Variants in MARK3 observed in about 807,000 individuals in gnomAD.
MARK3 encodes MAP/microtubule affinity-regulating kinase 3.
A neutral mutation model predicts 90.1 loss-of-function variants in MARK3; 46 were observed. That is an observed-to-expected ratio of 0.51 (90% confidence interval 0.40 to 0.65). The LOEUF (loss-of-function observed/expected upper bound fraction) is 0.65, where lower values mean the gene tolerates loss of function less well. Among genes scored for constraint, MARK3 ranks in the 30% least tolerant of loss-of-function variants. MARK3 has a pLI of 0.00. For missense variants in MARK3, 818 were observed against 947.2 expected (o/e 0.86, Z 1.79); for synonymous variants, 321 against 332.6 (o/e 0.97, Z 0.38).
intron 7 of MARK3, among the ~76,000 whole-genome samples, chr14:103,463,788 C>T (rs887148625): frequency 2.0e-5 from 3 of 152,178 alleles, no homozygotes; most frequent in African/African-American, 7.2e-5. Flanking sequence ...ATGGTCATTT[C>T]TCTGCTTGAA....
At chr14:103,387,653 C>G (rs1041755957) in intron 1 of MARK3, among the ~76,000 whole-genome samples, 4 of 151,852 alleles carry the variant, frequency 2.6e-5, no homozygotes. Context: ...CCACCACGCC[C>G]GGCTAATTTT....
At chr14:103,481,640 CGTGTGTGTGTGT>C (rs3071411) in intron 14 of MARK3, among the ~76,000 whole-genome samples, 8 of 150,440 alleles carry the variant, frequency 5.3e-5, no homozygotes, top group South Asian at 2.1e-4. Context: ...TTTTATGACT[CGTGTGTGTGTGT>C]GTGTGTGTTT....
intron 2 of MARK3, among the ~76,000 whole-genome samples, chr14:103,422,470 A>G: frequency 6.6e-6 from 1 of 152,214 alleles, no homozygotes; most frequent in East Asian, 1.9e-4. Context: ...CAAAACAAAA[A>G]GAAACGTAAC....
At chr14:103,463,716 T>A (rs988235585) in intron 7 of MARK3, among the ~76,000 whole-genome samples, 6 of 152,188 alleles carry the variant, frequency 3.9e-5, no homozygotes, top group Non-Finnish European at 8.8e-5. Context: ...CTAGTGCCTC[T>A]TCCTCCCATG....
chr14:103,484,458 C>T (rs2093886372), intron 14 of MARK3, among the ~76,000 whole-genome samples: 1 of 152,132 alleles, frequency 6.6e-6, no homozygotes, highest in African/African-American at 2.4e-5. Flanking sequence ...CAGGCATGAG[C>T]CACTGCACCA....
chr14:103,432,264 A>G (rs1195720895), intron 3 of MARK3, among the ~76,000 whole-genome samples: 1 of 152,216 alleles, frequency 6.6e-6, no homozygotes, highest in Non-Finnish European at 1.5e-5. Context: ...CAGAAAGGGA[A>G]ATCCCTGTGT....
At chr14:103,479,045 C>A (rs552566012) in intron 13 of MARK3, among the ~76,000 whole-genome samples, 2 of 152,214 alleles carry the variant, frequency 1.3e-5, no homozygotes, top group South Asian at 2.1e-4. Flanking sequence ...GGGGAGGAGA[C>A]GGTCTCACTC....
intron 5 of MARK3, among the ~76,000 whole-genome samples, chr14:103,455,494 A>C (rs568186895): frequency 9.8e-5 from 15 of 152,304 alleles, no homozygotes; most frequent in Admixed American, 5.9e-4. Context: ...TGGGAGGCCA[A>C]GACGGGCAGA....
At chr14:103,386,439 C>T (rs117480377) in intron 1 of MARK3, 8,686 of 571,904 alleles carry the variant, frequency 0.015, 123 homozygotes, top group Non-Finnish European at 0.022. Context: ...CCGAACTCTG[C>T]TTTTAACTTG....
chr14:103,439,983 C>T (rs2092810847), intron 3 of MARK3, among the ~76,000 whole-genome samples: 1 of 151,974 alleles, frequency 6.6e-6, no homozygotes, highest in Admixed American at 6.6e-5. Flanking sequence ...CGGGTTTTCA[C>T]CACGTTGGCC....
At chr14:103,475,300 C>T (rs2093695514) in intron 13 of MARK3, 90 bp downstream of exon 13, 2 of 1,064,236 alleles carry the variant, frequency 1.9e-6, no homozygotes, top group Non-Finnish European at 2.8e-6. Flanking sequence ...TGTGGTCTCT[C>T]GTACTGGAAT....
chr14:103,430,974 A>G (rs939091897), intron 3 of MARK3, among the ~76,000 whole-genome samples: 2 of 152,196 alleles, frequency 1.3e-5, no homozygotes, highest in Non-Finnish European at 1.5e-5. Context: ...AGCTGGGACT[A>G]CAAATGCACA....
At chr14:103,416,894 G>GT (rs1400169138) in intron 2 of MARK3, among the ~76,000 whole-genome samples, 4 of 152,190 alleles carry the variant, frequency 2.6e-5, no homozygotes, top group East Asian at 3.9e-4. Flanking sequence ...AGTGCAAACT[G>GT]TTTTTTCAGT....
chr14:103,498,602 G>C, intron 16 of MARK3, 74 bp downstream of exon 16: 2 of 1,272,426 alleles, frequency 1.6e-6, no homozygotes, highest in Non-Finnish European at 1.0e-6. Context: ...ATTAGGTTTG[G>C]CTTTCTGGCC....
Position 103,465,636 on chromosome 14 carries a change from G to T in MARK3, c.620G>T (p.Gly207Val), listed in dbSNP as rs1027620078. Reference protein sequence around the residue: ...FGFSNEFTVGGKLDTFCGSPP... With the variant: ...FGFSNEFTVGVKLDTFCGSPP... Reference sequence around the variant, plus strand: ...TTTAGCAATGAATTTACTGTTGGCGGTAAACTCGACACGTTTTGTGGCAGT... The same window carrying T: ...TTTAGCAATGAATTTACTGTTGGCGTTAAACTCGACACGTTTTGTGGCAGT... The change falls in exon 8 of 18, where the codon GGT becomes GTT. Residue 207 changes from glycine to valine, a missense_variant. Around this residue, in one of 3 missense-constraint regions of MARK3, gnomAD observed 101 missense variants for 175.1 expected, o/e 0.58. Transcript: ENST00000429436. 1.9e-6 allele frequency: 3 copies of T among 1,614,008 alleles called. No individual in the cohort carries two copies. In the African/African-American group the frequency reaches 4.0e-5, roughly 22 times the overall value.
chr14:103,498,526 A>G lies in MARK3; in HGVS notation c.1869A>G (p.Lys623=). Residue 623 remains lysine, a splice_region_variant and synonymous_variant, in exon 16 of 18, where the codon AAA becomes AAG. Transcript: ENST00000429436. The part of the protein sequence containing the change: ...TRRNMSFRFI[K]RLPTEYERNG... ...GAAACATGTCATTCAGGTTTATCAA[A>G]AGGTAGGATTTATATATACACATTT... is the stretch of plus-strand genomic sequence containing the variant. 1.5e-6 allele frequency: 2 copies of G among 1,371,306 alleles called. No homozygotes were observed. The highest frequency in any genetic ancestry group is 3.1e-5 in the East Asian group (1 of 31,982). 84.9% of individuals were successfully genotyped at this position (1,371,306 alleles called of 1,614,324 possible). A position where few individuals can be genotyped will look rare whatever the true frequency, so the allele number is the denominator to read the frequency against.
chr14:103,485,879 A>G (rs1158756847), intron 14 of MARK3, among the ~76,000 whole-genome samples: 1 of 152,132 alleles, frequency 6.6e-6, no homozygotes, highest in African/African-American at 2.4e-5. Context: ...CTATAAAAAT[A>G]TATATATTTT....
chr14:103,485,063 CAA>C lies in MARK3; in HGVS notation c.1586+4589_1586+4590del, dbSNP rs34312214. Among the ~76,000 whole-genome samples the C allele has an allele frequency of 1.5e-3, 150 of 97,732 alleles. 5 individuals carry two copies. Among genetic ancestry groups the C allele is most frequent in the African/African-American group, 5.8e-3 (143 of 24,578 alleles). The allele number at this position is 97,732 out of a possible 152,430, so 64.1% of individuals were successfully genotyped here. A position where few individuals can be genotyped will look rare whatever the true frequency, so the allele number is the denominator to read the frequency against. Reference sequence around the variant, plus strand: ...AGAAACCCCATCTCTACTAAAAATACAAAAAAAAAAAAAAAAATTAGCCAGGC... The same window carrying C: ...AGAAACCCCATCTCTACTAAAAATACAAAAAAAAAAAAAAATTAGCCAGGC... On this transcript the variant is annotated intron_variant, in intron 14 of 17. Coordinates refer to ENST00000429436, the MANE Select transcript of MARK3 (RefSeq NM_001128918.3).
At chr14:103,481,969 T>C (rs2093832654) in intron 14 of MARK3, among the ~76,000 whole-genome samples, 1 of 150,712 alleles carries the variant, frequency 6.6e-6, no homozygotes, top group Admixed American at 6.6e-5. Flanking sequence ...GGTTTCACCA[T>C]GTTAGCCAGG....
Sources: gnomAD v4.1 joint callset for allele counts (sites outside exome capture counted in the v4.1 genomes callset) on GRCh38, gnomAD v4.1.1 for gene constraint, gnomAD v4.1.1 regional missense constraint, MANE v1.5 for transcripts, NCBI Gene and HGNC (gene_info 2026-07-23, HGNC 2026-07-21) for gene names.